Variants in FRMPD3 observed in about 807,000 individuals in gnomAD.
FRMPD3 encodes the protein FERM and PDZ domain containing 3, also known as FERM and PDZ domain-containing protein 3.
A neutral mutation model predicts 97.9 loss-of-function variants in FRMPD3; 42 were observed. That is an observed-to-expected ratio of 0.43 (90% confidence interval 0.34 to 0.55). The LOEUF (loss-of-function observed/expected upper bound fraction) is 0.55, where lower values mean the gene tolerates loss of function less well. Among genes scored for constraint, FRMPD3 ranks in the 20% least tolerant of loss-of-function variants. The pLI is 0.03. For missense variants in FRMPD3, 1,303 were observed against 1,457.7 expected (o/e 0.89, Z 1.73); for synonymous variants, 577 against 581.1 (o/e 0.99, Z 0.10).
At chrX:107,524,110 G>A (rs774046309) in intron 1 of FRMPD3, among the ~76,000 whole-genome samples, 4 of 112,330 alleles carry the variant, frequency 3.6e-5, no homozygotes, top group African/African-American at 1.3e-4. Context: ...GCGCCAACAA[G>A]TCCGGGTGGC....
At chrX:107,542,130 C>T (rs1051178043) in intron 4 of FRMPD3, among the ~76,000 whole-genome samples, 4 of 112,590 alleles carry the variant, frequency 3.6e-5, no homozygotes, top group African/African-American at 1.3e-4. Flanking sequence ...AACACAGCTG[C>T]CTGAGCATAG....
Position 107,602,842 on chromosome X carries a change from G to A in FRMPD3, c.4803G>A (p.Leu1601=). The change falls in exon 15 of 15, where the codon CTG becomes CTA. Residue 1601 remains leucine, a synonymous_variant. Coordinates refer to ENST00000683843, the MANE Select transcript of FRMPD3 (RefSeq NM_001388459.1). ...FLAARLDTNE[L]LTVLRQCVAS... Reference sequence around the variant, plus strand: ...CTGCCCGGCTGGACACCAACGAGCTGCTGACAGTCCTGCGGCAGTGTGTGG... The same window carrying A: ...CTGCCCGGCTGGACACCAACGAGCTACTGACAGTCCTGCGGCAGTGTGTGG... 1 of 1,210,185 alleles carries A rather than the reference G, an allele frequency of 8.3e-7. No individual in the cohort carries two copies. Among genetic ancestry groups the A allele is most frequent in the Non-Finnish European group, 1.1e-6 (1 of 895,003 alleles).
In FRMPD3 at chrX:107,564,940, C is replaced by T; in HGVS notation, c.1170C>T (p.Ser390=). ...TLLVGPRHGI[S]HVIDLKTNLT... ...TGGTGGGACCCCGTCATGGCATCAG[C>T]CATGTTATTGACCTCAAAACCAACC... is the stretch of plus-strand genomic sequence containing the variant. The change falls in exon 12 of 15, where the codon AGC becomes AGT. Residue 390 remains serine (S), a synonymous_variant. Coordinates refer to ENST00000683843, the MANE Select transcript of FRMPD3 (RefSeq NM_001388459.1). The T allele has an allele frequency of 8.3e-7, 1 of 1,210,523 alleles. No individual in the cohort carries two copies. Among genetic ancestry groups the T allele is most frequent in the East Asian group, 3.0e-5 (1 of 33,813 alleles).
In FRMPD3 at chrX:107,597,632, C is replaced by T; in HGVS notation, c.1753C>T (p.Leu585=). 8.3e-7 allele frequency: 1 copy of T among 1,210,924 alleles called. No individual in the cohort carries two copies. Among genetic ancestry groups the T allele is most frequent in the Non-Finnish European group, 1.1e-6 (1 of 895,459 alleles). The change falls in exon 14 of 15, where the codon CTA becomes TTA. Residue 585 remains leucine (L), a synonymous_variant. Transcript: ENST00000683843. ...VVPDDFDAAS[L]DHEPCASRAR... ...CCCTGATGACTTTGATGCAGCTAGC[C>T]TAGACCACGAGCCTTGTGCCAGCAG...
intron 13 of FRMPD3, among the ~76,000 whole-genome samples, chrX:107,587,925 C>T (rs187671520): frequency 2.9e-3 from 317 of 110,821 alleles, no homozygotes; most frequent in African/African-American, 9.9e-3. Context: ...CAGGCACATG[C>T]CACCACACCC....
chrX:107,559,478 A>T (rs935995590), intron 8 of FRMPD3, among the ~76,000 whole-genome samples: 2 of 111,927 alleles, frequency 1.8e-5, no homozygotes, highest in East Asian at 2.8e-4. Flanking sequence ...TTTGTAATAG[A>T]ATCCACTGAA....
At chrX:107,586,204 T>C (rs190913556) in intron 13 of FRMPD3, among the ~76,000 whole-genome samples, 317 of 112,118 alleles carry the variant, frequency 2.8e-3, no homozygotes, top group Non-Finnish European at 5.0e-3. Context: ...TATCCATTTC[T>C]TCTAGATTTT....
intron 8 of FRMPD3, among the ~76,000 whole-genome samples, chrX:107,557,000 TG>T: frequency 8.9e-6 from 1 of 112,554 alleles, no homozygotes; most frequent in East Asian, 2.8e-4. Context: ...TGGAATGGTC[TG>T]AGCATATGCT....
At chrX:107,563,332 C>T (rs757444028) in intron 11 of FRMPD3, 132 bp downstream of exon 11, 1 of 466,689 alleles carries the variant, frequency 2.1e-6, no homozygotes, top group African/African-American at 2.4e-5. Flanking sequence ...CCTCTTACCT[C>T]CCTGGCCCTG....
In FRMPD3 at chrX:107,591,883, T is replaced by C. The variant is rs1489192106; in HGVS notation, c.1442-5438T>C. On this transcript the variant is annotated intron_variant, in intron 13 of 14. Coordinates refer to ENST00000683843, the MANE Select transcript of FRMPD3 (RefSeq NM_001388459.1). ...ATGGGGTATTCATCCTCTCAAGCAT[T>C]TATCCTTTCTTTGTGTTACAAACAA... Among the ~76,000 whole-genome samples the C allele has an allele frequency of 6.2e-5, 7 of 112,217 alleles. No homozygotes were observed. In the Admixed American group the frequency reaches 6.7e-4, roughly 11 times the overall value.
At chrX:107,492,539 A>G (rs1921685460) in intron 1 of FRMPD3, among the ~76,000 whole-genome samples, 1 of 111,793 alleles carries the variant, frequency 8.9e-6, no homozygotes. Context: ...AGAGCCCTTA[A>G]TAGTCTAATG....
chrX:107,566,364 C>T (rs1204593809), intron 12 of FRMPD3, among the ~76,000 whole-genome samples: 2 of 112,502 alleles, frequency 1.8e-5, no homozygotes, highest in African/African-American at 6.5e-5. Context: ...TTGATTTTTC[C>T]ACCTGTGATT....
chrX:107,603,583 C>A lies in FRMPD3; in HGVS notation c.*210C>A. 1.4e-6 allele frequency: 1 copy of A among 727,970 alleles called. No individual in the cohort carries two copies. Among genetic ancestry groups the A allele is most frequent in the Non-Finnish European group, 1.9e-6 (1 of 528,779 alleles). The allele number at this position is 727,970 out of a possible 1,213,427, so 60.0% of individuals were successfully genotyped here. ...GCCGCCCTGGGTGTCCTCACCCCTTCCCTGGCCTCTGGGCCTCACTGTGAG... is the reference window on the plus strand; with the variant it reads ...GCCGCCCTGGGTGTCCTCACCCCTTACCTGGCCTCTGGGCCTCACTGTGAG... On this transcript the variant is annotated 3_prime_UTR_variant, in exon 15 of 15. Coordinates refer to ENST00000683843, the MANE Select transcript of FRMPD3 (RefSeq NM_001388459.1).
rs1340403068 is a variant in FRMPD3 at position 107,552,720 on chromosome X, C to G, written c.511-75C>G. 3.7e-6 allele frequency: 4 copies of G among 1,087,641 alleles called. No individual in the cohort carries two copies. The African/African-American group carries it at 5.6e-5, about 15-fold the overall frequency. 89.6% of individuals were successfully genotyped at this position (1,087,641 alleles called of 1,213,427 possible). On this transcript the variant is annotated intron_variant, in intron 6 of 14. Transcript: ENST00000683843. ...TTTCTTTTCTTGGTGTTTAATCCCC[C>G]CTCCCATGTTTGATGCTTAGAATAG...
chrX:107,565,066 G>A lies in FRMPD3; in HGVS notation c.1296G>A (p.Lys432=), dbSNP rs1429042261. The A allele has an allele frequency of 1.9e-5, 22 of 1,171,761 alleles. No homozygotes were observed. Among genetic ancestry groups the A allele is most frequent in the Non-Finnish European group, 2.5e-5 (22 of 875,592 alleles). ...ARVETSIMDA[K]PLVLLMEWPE... ...TGGAGACCAGCATCATGGATGCCAA[G>A]GTAAGCCCTGCTTTGAGGGCCTCCT... is the stretch of plus-strand genomic sequence containing the variant. The change falls in exon 12 of 15, where the codon AAG becomes AAA. Residue 432 remains lysine, a splice_region_variant and synonymous_variant. Transcript: ENST00000683843.
intron 1 of FRMPD3, among the ~76,000 whole-genome samples, chrX:107,457,711 A>G (rs953242524): frequency 2.7e-5 from 3 of 111,906 alleles, no homozygotes; most frequent in African/African-American, 9.8e-5. Flanking sequence ...GACTCTGACA[A>G]AGCCCCAAGA....
At chrX:107,547,244 TA>T (rs1921654616) in intron 5 of FRMPD3, among the ~76,000 whole-genome samples, 1 of 111,659 alleles carries the variant, frequency 9.0e-6, no homozygotes, top group South Asian at 3.8e-4. Context: ...TTGGATTTGG[TA>T]AGTATGAACA....
At chrX:107,478,586 C>T (rs760234469) in intron 1 of FRMPD3, among the ~76,000 whole-genome samples, 1 of 111,801 alleles carries the variant, frequency 8.9e-6, no homozygotes, top group African/African-American at 3.3e-5. Flanking sequence ...TTTCAAGCAT[C>T]TGGTCCAGGG....
chrX:107,509,081 G>A (rs567065919), intron 1 of FRMPD3, among the ~76,000 whole-genome samples: 19 of 111,684 alleles, frequency 1.7e-4, no homozygotes, highest in Middle Eastern at 4.6e-3. Flanking sequence ...TATTCGCCCC[G>A]CTCCCCCCAG....
Sources: gnomAD v4.1 joint callset for allele counts (sites outside exome capture counted in the v4.1 genomes callset) on GRCh38, gnomAD v4.1.1 for gene constraint, MANE v1.5 for transcripts, NCBI Gene and HGNC (gene_info 2026-07-23, HGNC 2026-07-21) for gene names.